The following FRAS1 variants were observed in gnomAD, a reference collection of about 807,000 sequenced individuals.
The protein encoded by FRAS1 is extracellular matrix organizing protein FRAS1.
FRAS1 carries 290 observed loss-of-function variants against 435.2 expected under a neutral mutation model. The observed-to-expected ratio is 0.67, with a 90% CI of 0.61 to 0.73. The LOEUF is 0.73. Among genes scored for constraint, FRAS1 ranks in the 30% least tolerant of loss-of-function variants. FRAS1 has a pLI of 0.00. For synonymous variants in FRAS1, 1,800 were observed against 1,851.0 expected, an observed-to-expected ratio of 0.97 and a Z score of 0.71; for missense variants, 4,860 against 5,001.5, an observed-to-expected ratio of 0.97 and a Z score of 0.85.
intron 2 of FRAS1, among the ~76,000 whole-genome samples, chr4:78,194,443 T>C (rs573232356): frequency 2.7e-3 from 406 of 152,312 alleles, no homozygotes; most frequent in Middle Eastern, 0.014. Flanking sequence ...TCACATAGTC[T>C]CATATTTCTT....
rs1056181166 is a variant in FRAS1 at position 78,544,233 on chromosome 4, A to G, written c.*3109A>G. 1 of 152,660 alleles carries G rather than the reference A, an allele frequency of 6.6e-6. No homozygotes were observed. Among genetic ancestry groups the G allele is most frequent in the Non-Finnish European group, 1.5e-5 (1 of 68,046 alleles). 9.5% of individuals were successfully genotyped at this position (152,660 alleles called of 1,614,324 possible). A position where few individuals can be genotyped will look rare whatever the true frequency, so the allele number is the denominator to read the frequency against. On this transcript the variant is annotated 3_prime_UTR_variant, in exon 74 of 74. Coordinates refer to ENST00000512123, the MANE Select transcript of FRAS1 (RefSeq NM_025074.7). ...TTTCTCCAATAGTATATGCCACTAT[A>G]TAAATTTGTATTAATAAATGACAGT...
At chr4:78,293,840 G>A (rs1728018734) in intron 14 of FRAS1, among the ~76,000 whole-genome samples, 2 of 152,206 alleles carry the variant, frequency 1.3e-5, no homozygotes, top group South Asian at 4.1e-4. Flanking sequence ...AGCTGGCTGT[G>A]TTTGGCATTT....
At position 78,472,334 on chromosome 4, in the gene FRAS1, G is replaced by A. The variant is rs1719735879; in HGVS notation, c.7522+4G>A. The A allele has an allele frequency of 1.9e-6, 3 of 1,594,328 alleles. No homozygotes were observed. Among genetic ancestry groups the A allele is most frequent in the Non-Finnish European group, 2.6e-6 (3 of 1,168,704 alleles). Reference sequence around the variant, plus strand: ...GCTGCTGCCACTTTCACCCAGGGTGGGGACTCTCTGGGAACTTAGAAATGG... The same window carrying A: ...GCTGCTGCCACTTTCACCCAGGGTGAGGACTCTCTGGGAACTTAGAAATGG... On this transcript the variant is annotated splice_donor_region_variant and intron_variant, in intron 52 of 73. Transcript: ENST00000512123.
chr4:78,507,594 C>T lies in FRAS1; in HGVS notation c.9490C>T (p.Pro3164Ser), dbSNP rs1473511701. The T allele has an allele frequency of 6.3e-7, 1 of 1,592,306 alleles. No individual in the cohort carries two copies. The highest frequency in any genetic ancestry group is 1.8e-5 in the Admixed American group (1 of 54,110). ...DQEAAGSLIL[P>S]APPIVVTLAD... Reference sequence around the variant, plus strand: ...GGAGGCAGCAGGGAGCCTCATATTGCCAGCACCACCCATTGTGAGTTGCTT... The same window carrying T: ...GGAGGCAGCAGGGAGCCTCATATTGTCAGCACCACCCATTGTGAGTTGCTT... Residue 3164 changes from proline to serine, a missense_variant, in exon 62 of 74, where the codon CCA (proline) becomes TCA (serine). Pro to Ser is a moderately conservative substitution (Grantham distance 74). Transcript: ENST00000512123.
intron 3 of FRAS1, among the ~76,000 whole-genome samples, 169 bp from the exon 4 acceptor site, chr4:78,245,064 A>G (rs1725167803): frequency 6.6e-6 from 1 of 152,182 alleles, no homozygotes; most frequent in Non-Finnish European, 1.5e-5. Flanking sequence ...AGCGAAGCTT[A>G]TCTGGACACA....
chr4:78,321,307 G>A (rs910640863), intron 18 of FRAS1, among the ~76,000 whole-genome samples: 2 of 152,130 alleles, frequency 1.3e-5, no homozygotes, highest in African/African-American at 4.8e-5. Context: ...AAGTCATGTA[G>A]CCAGCACAGA....
At chr4:78,159,735 G>A (rs1276160359) in intron 2 of FRAS1, among the ~76,000 whole-genome samples, 1 of 152,050 alleles carries the variant, frequency 6.6e-6, no homozygotes, top group Non-Finnish European at 1.5e-5. Context: ...ACAAAAATTG[G>A]CCAGGCATGG....
Position 78,517,574 on chromosome 4 carries a change from G to A in FRAS1, c.10389+1561G>A, listed in dbSNP as rs954375453. Among the ~76,000 whole-genome samples the A allele has an allele frequency of 4.6e-5, 7 of 152,154 alleles. No homozygotes were observed. The East Asian group carries it at 1.3e-3, about 29-fold the overall frequency. On this transcript the variant is annotated intron_variant, in intron 66 of 73. Transcript: ENST00000512123. Reference sequence around the variant, plus strand: ...ACTGACGTATGATAGGAAGAATATAGAACTTAGAACTAAGGCCTAGTTGGT... The same window carrying A: ...ACTGACGTATGATAGGAAGAATATAAAACTTAGAACTAAGGCCTAGTTGGT...
In FRAS1 at chr4:78,536,982, T is replaced by C; in HGVS notation, c.11093-13T>C. The C allele has an allele frequency of 6.2e-7, 1 of 1,609,188 alleles. No homozygotes were observed. Among genetic ancestry groups the C allele is most frequent in the Non-Finnish European group, 8.5e-7 (1 of 1,175,846 alleles). On this transcript the variant is annotated splice_polypyrimidine_tract_variant and intron_variant, in intron 71 of 73. Transcript: ENST00000512123. Reference sequence around the variant, plus strand: ...TAAAGTCTGACCTAATTAATACCTTTCAATCTTTTCAGGTCAAATCCTTTA... The same window carrying C: ...TAAAGTCTGACCTAATTAATACCTTCCAATCTTTTCAGGTCAAATCCTTTA...
At chr4:78,195,073 G>T (rs977892141) in intron 2 of FRAS1, among the ~76,000 whole-genome samples, 10 of 152,200 alleles carry the variant, frequency 6.6e-5, no homozygotes, top group African/African-American at 2.4e-4. Context: ...AGAAGCAGAG[G>T]CTGCAGAACA....
chr4:78,210,944 G>C (rs552296672), intron 2 of FRAS1, among the ~76,000 whole-genome samples: 1 of 152,266 alleles, frequency 6.6e-6, no homozygotes, highest in Admixed American at 6.5e-5. Context: ...ACCCACCAAG[G>C]CTTCATTTCC....
intron 2 of FRAS1, among the ~76,000 whole-genome samples, chr4:78,194,392 G>A (rs553403967): frequency 1.8e-4 from 27 of 152,272 alleles, no homozygotes; most frequent in African/African-American, 2.4e-4. Context: ...CATTCTCCCC[G>A]TCACTTTCAG....
chr4:78,532,898 GT>G (rs1721761173), intron 70 of FRAS1, among the ~76,000 whole-genome samples: 1 of 152,086 alleles, frequency 6.6e-6, no homozygotes. Flanking sequence ...ATGGACACTG[GT>G]TGTTTACAAA....
At position 78,446,887 on chromosome 4, in the gene FRAS1, C is replaced by G; in HGVS notation, c.6010+7C>G. ...ACAAAAAAGCCTGACCACGGTAGGG[C>G]ACGAACTGCTATGAAAAGCTTCTTA... On this transcript the variant is annotated splice_region_variant and intron_variant, in intron 43 of 73. Coordinates refer to ENST00000512123, the MANE Select transcript of FRAS1 (RefSeq NM_025074.7). 1 of 1,600,496 alleles carries G rather than the reference C, an allele frequency of 6.2e-7. No individual in the cohort carries two copies. Among genetic ancestry groups the G allele is most frequent in the Non-Finnish European group, 8.5e-7 (1 of 1,173,318 alleles).
intron 60 of FRAS1, among the ~76,000 whole-genome samples, chr4:78,499,413 T>C (rs1457723372): frequency 6.6e-6 from 1 of 152,208 alleles, no homozygotes; most frequent in Non-Finnish European, 1.5e-5. Flanking sequence ...TTCTGTGAAC[T>C]GTAGTGCCGA....
At chr4:78,276,696 C>G (rs1220948330) in intron 9 of FRAS1, among the ~76,000 whole-genome samples, 1 of 152,154 alleles carries the variant, frequency 6.6e-6, no homozygotes, top group Non-Finnish European at 1.5e-5. Context: ...AGAGGGGCAC[C>G]CGGCCGTGTG....
chr4:78,288,716 G>A (rs910329019), intron 14 of FRAS1, among the ~76,000 whole-genome samples: 1 of 152,102 alleles, frequency 6.6e-6, no homozygotes, highest in Non-Finnish European at 1.5e-5. Context: ...GAGAGAGAGA[G>A]AGTGGATCTT....
rs895114835 is a variant in FRAS1, at chr4:78,284,438, A to G, written c.1289A>G (p.Gln430Arg). Residue 430 changes from glutamine to arginine, a missense_variant, in exon 13 of 74, where the codon CAG (glutamine) becomes CGG (arginine). Transcript: ENST00000512123. ...HCHPDCLTCSQSPDHCDLCQD... is the reference protein window; with the variant it reads ...HCHPDCLTCSRSPDHCDLCQD... ...CATCCAGATTGTTTGACATGCTCTC[A>G]GTCTCCAGACCACTGTGACCTCTGC... 3.1e-6 allele frequency: 5 copies of G among 1,613,724 alleles called. No individual in the cohort carries two copies. Among genetic ancestry groups the G allele is most frequent in the Non-Finnish European group, 4.2e-6 (5 of 1,179,848 alleles).
intron 2 of FRAS1, among the ~76,000 whole-genome samples, chr4:78,084,637 T>C (rs1039899898): frequency 2.6e-5 from 4 of 152,102 alleles, no homozygotes; most frequent in Non-Finnish European, 4.4e-5. Context: ...ATGATCCCAG[T>C]AGACTCTGAT....
Sources: gnomAD v4.1 joint callset for allele counts (sites outside exome capture counted in the v4.1 genomes callset) on GRCh38, gnomAD v4.1.1 for gene constraint, MANE v1.5 for transcripts, NCBI Gene and HGNC (gene_info 2026-07-23, HGNC 2026-07-21) for gene names.